Variants in UBAC2 observed in about 807,000 individuals in gnomAD.
UBAC2 encodes UBA domain containing 2.
Under a neutral mutation model 44.0 loss-of-function variants are expected in UBAC2, and 26 were observed. That is an observed-to-expected ratio of 0.59 (90% CI 0.43 to 0.82). The LOEUF is 0.82. Ranked by LOEUF, UBAC2 falls within the 40% of genes least tolerant of loss-of-function variation. UBAC2 has a pLI of 0.00. For synonymous variants in UBAC2, 155 were observed against 154.3 expected (o/e 1.00, Z -0.04); for missense variants, 329 against 419.4 (o/e 0.78, Z 1.88).
intron 6 of UBAC2, among the ~76,000 whole-genome samples, chr13:99,328,565 T>G (rs534961024): frequency 5.6e-4 from 86 of 152,332 alleles, no homozygotes; most frequent in Middle Eastern, 6.8e-3. Context: ...TATCTTGTGG[T>G]TTTAATTTGC....
chr13:99,256,099 T>C (rs1464362254), intron 4 of UBAC2, among the ~76,000 whole-genome samples: 12 of 152,226 alleles, frequency 7.9e-5, no homozygotes, highest in Admixed American at 5.2e-4. Context: ...TTTCCTTTGT[T>C]ACAGCTATAG....
intron 4 of UBAC2, chr13:99,255,843 A>G: frequency 6.3e-7 from 1 of 1,596,166 alleles, no homozygotes; most frequent in Non-Finnish European, 8.5e-7. Flanking sequence ...TAAAAGGGAC[A>G]GGTTGATCTT....
intron 4 of UBAC2, among the ~76,000 whole-genome samples, chr13:99,254,059 A>C (rs1347676299): frequency 6.6e-6 from 1 of 152,248 alleles, no homozygotes; most frequent in Non-Finnish European, 1.5e-5. Context: ...AAGAAATCCA[A>C]GGTTCCTACT....
At chr13:99,216,274 T>G (rs1441241603) in intron 1 of UBAC2, among the ~76,000 whole-genome samples, 1 of 152,040 alleles carries the variant, frequency 6.6e-6, no homozygotes, top group Non-Finnish European at 1.5e-5. Flanking sequence ...CTGGCTAATT[T>G]TTGTATTTTT....
intron 1 of UBAC2, among the ~76,000 whole-genome samples, chr13:99,228,606 C>A (rs1012788622): frequency 2.6e-5 from 4 of 152,028 alleles, no homozygotes; most frequent in African/African-American, 9.7e-5. Context: ...TATATTTATT[C>A]TTTTATTTCA....
chr13:99,355,977 C>T (rs1469841704), intron 7 of UBAC2, among the ~76,000 whole-genome samples: 1 of 152,268 alleles, frequency 6.6e-6, no homozygotes, highest in Non-Finnish European at 1.5e-5. Context: ...GAAAACCTGT[C>T]TCTCTTGGGT....
rs954315592 is a variant in UBAC2, at chr13:99,318,178, TTTTTTTGAGACAGAA to T, written c.561+113_561+127del. ...CATATTCAACTGTCTCACCATTCTT[TTTTTTTGAGACAGAA>T]TTTCACTCTTGTTGCCCAGGCTGGA... On this transcript the variant is annotated intron_variant, in intron 6 of 8. Transcript: ENST00000403766. The T allele has an allele frequency of 2.8e-6, 3 of 1,080,006 alleles. No homozygotes were observed. In the African/African-American group the frequency reaches 4.8e-5, roughly 17 times the overall value. The allele number at this position is 1,080,006 out of a possible 1,614,324, so 66.9% of individuals were successfully genotyped here.
chr13:99,335,844 G>A (rs180843525), intron 6 of UBAC2, among the ~76,000 whole-genome samples: 127 of 152,164 alleles, frequency 8.3e-4, no homozygotes, highest in Non-Finnish European at 1.3e-3. Flanking sequence ...ACCTTCCCTC[G>A]GGACTGTGTG....
chr13:99,295,150 A>G lies in UBAC2; in HGVS notation c.390-18947A>G, dbSNP rs1594097534. ...CTTCAGGGGCTGACTTCACAGCACT[A>G]GAAATCGATACACTGACTTGCCGTT... is the stretch of plus-strand genomic sequence containing the variant. On this transcript the variant is annotated intron_variant, in intron 4 of 8. Transcript: ENST00000403766. The surrounding 1 kb of genome is among the most constrained non-coding windows in gnomAD (Gnocchi z 4.1). 1.2e-6 allele frequency: 2 copies of G among 1,614,180 alleles called. No individual in the cohort carries two copies. Among genetic ancestry groups the G allele is most frequent in the Non-Finnish European group, 1.7e-6 (2 of 1,180,004 alleles).
At chr13:99,207,632 T>G (rs2042887899) in intron 1 of UBAC2, among the ~76,000 whole-genome samples, 1 of 152,170 alleles carries the variant, frequency 6.6e-6, no homozygotes, top group Admixed American at 6.5e-5. Flanking sequence ...TCCAAAACAT[T>G]TGGTAGGGAG....
In UBAC2 at chr13:99,364,705, A is replaced by T. The variant is rs187075476; in HGVS notation, c.808-3082A>T. Among the ~76,000 whole-genome samples, 6 of 152,332 alleles carry T rather than the reference A, an allele frequency of 3.9e-5. No individual in the cohort carries two copies. The East Asian group carries it at 1.2e-3, about 29-fold the overall frequency. ...AGAAAAGTACATGCTATATAATAAT[A>T]GTCATACAAATGTACTTTTTGTGTT... On this transcript the variant is annotated intron_variant, in intron 7 of 8. Coordinates refer to ENST00000403766, the MANE Select transcript of UBAC2 (RefSeq NM_001144072.2).
chr13:99,215,780 A>G (rs2042986784), intron 1 of UBAC2: 1 of 968,696 alleles, frequency 1.0e-6, no homozygotes, highest in Non-Finnish European at 1.5e-6. Flanking sequence ...CTGAAGCTCA[A>G]GCAAGGCAGA....
chr13:99,355,321 A>G (rs997720609), intron 7 of UBAC2, among the ~76,000 whole-genome samples: 1 of 152,258 alleles, frequency 6.6e-6, no homozygotes, highest in African/African-American at 2.4e-5. Context: ...TGGATAATCC[A>G]CACTCTGAGA....
At chr13:99,230,964 G>A (rs568077697) in intron 1 of UBAC2, among the ~76,000 whole-genome samples, 15 of 152,150 alleles carry the variant, frequency 9.9e-5, no homozygotes, top group Admixed American at 2.6e-4. Flanking sequence ...CAGGAGAATC[G>A]CTAAACCCGG....
chr13:99,385,016 G>A (rs553801968), intron 8 of UBAC2, among the ~76,000 whole-genome samples: 25 of 152,224 alleles, frequency 1.6e-4, no homozygotes, highest in Admixed American at 1.5e-3. Flanking sequence ...GGTTATGTGC[G>A]ATCATGCATA....
At chr13:99,219,866 G>T (rs1270470705) in intron 1 of UBAC2, among the ~76,000 whole-genome samples, 2 of 152,008 alleles carry the variant, frequency 1.3e-5, no homozygotes, top group African/African-American at 2.4e-5. Flanking sequence ...ATGTTTTTGA[G>T]GTTCATCTAT....
In UBAC2 at chr13:99,295,670, A is replaced by G; in HGVS notation, c.390-18427A>G. 6.2e-7 allele frequency: 1 copy of G among 1,614,156 alleles called. No homozygotes were observed. Among genetic ancestry groups the G allele is most frequent in the Non-Finnish European group, 8.5e-7 (1 of 1,180,040 alleles). ...GAGGAGTGGGAGTGTCTGAGCAAATACTAGAATCCAGACAAATATGCACAC... is the reference window on the plus strand; with the variant it reads ...GAGGAGTGGGAGTGTCTGAGCAAATGCTAGAATCCAGACAAATATGCACAC... On this transcript the variant is annotated intron_variant, in intron 4 of 8. Transcript: ENST00000403766. The surrounding 1 kb of genome is among the most constrained non-coding windows in gnomAD (Gnocchi z 4.1).
chr13:99,237,671 C>T (rs9517656), intron 1 of UBAC2, among the ~76,000 whole-genome samples: 30,116 of 152,192 alleles, frequency 0.2, 4,058 homozygotes, highest in Non-Finnish European at 0.3. Flanking sequence ...GATAATTACC[C>T]GGGCTGGGTG....
intron 1 of UBAC2, among the ~76,000 whole-genome samples, chr13:99,235,183 T>C (rs2043219376): frequency 6.6e-6 from 1 of 152,182 alleles, no homozygotes; most frequent in Admixed American, 6.5e-5. Context: ...TTAGCCTCTT[T>C]TAATTTTTTA....
Sources: allele counts gnomAD v4.1 joint callset (sites outside exome capture counted in the v4.1 genomes callset), GRCh38; gene constraint gnomAD v4.1.1; non-coding constraint Gnocchi (gnomAD v3.1); transcripts MANE v1.5; gene names NCBI Gene and HGNC (gene_info 2026-07-23, HGNC 2026-07-21).